Variants in CCDC82 observed in about 807,000 individuals in gnomAD.
CCDC82 encodes coiled-coil domain containing 82, also known as coiled-coil domain-containing protein 82.
A neutral mutation model predicts 60.6 loss-of-function variants in CCDC82; 47 were observed. That is an observed-to-expected ratio of 0.77 (90% CI 0.61 to 0.99). The LOEUF is 0.99. Among genes scored for constraint, CCDC82 ranks in the 50% least tolerant of loss-of-function variants. CCDC82 has a pLI of 0.00. For synonymous variants in CCDC82, 212 were observed against 207.4 expected, an observed-to-expected ratio of 1.02 and a Z score of -0.19; for missense variants, 588 against 633.0, an observed-to-expected ratio of 0.93 and a Z score of 0.76.
intron 5 of CCDC82, among the ~76,000 whole-genome samples, chr11:96,375,658 C>A (rs1865533305): frequency 6.6e-6 from 1 of 152,158 alleles, no homozygotes; most frequent in Non-Finnish European, 1.5e-5. Context: ...GGATGAAAAA[C>A]TTTCCTAAGA....
At chr11:96,355,716 C>A (rs1016023781) in intron 9 of CCDC82, 3 of 151,936 alleles carry the variant, frequency 2.0e-5, no homozygotes, top group Non-Finnish European at 4.4e-5. Flanking sequence ...AAAAAAAAAA[C>A]TTGGAAAGTG....
chr11:96,362,857 T>G (rs568004524), intron 8 of CCDC82, among the ~76,000 whole-genome samples: 12 of 152,298 alleles, frequency 7.9e-5, no homozygotes, highest in African/African-American at 2.9e-4. Flanking sequence ...AAAAGAACCC[T>G]AGTTAATGTC....
intron 3 of CCDC82, 183 bp from the exon 4 acceptor site, chr11:96,384,944 A>C: frequency 2.0e-6 from 1 of 494,620 alleles, no homozygotes; most frequent in Non-Finnish European, 3.5e-6. Context: ...ATGCCCATGA[A>C]ATAATTATAT....
At chr11:96,387,703 A>G (rs2136227175) in intron 1 of CCDC82, 90 bp from the exon 2 acceptor site, 1 of 152,360 alleles carries the variant, frequency 6.6e-6, no homozygotes, top group East Asian at 1.9e-4. Context: ...TTTTAGTTTC[A>G]GAAAAATAAC....
At chr11:96,387,845 C>T (rs1298946089) in intron 1 of CCDC82, 1 of 152,150 alleles carries the variant, frequency 6.6e-6, no homozygotes, top group Non-Finnish European at 1.5e-5. Context: ...TTGCAGACTT[C>T]CCTCTTATCA....
At chr11:96,362,725 A>G (rs191484112) in intron 8 of CCDC82, among the ~76,000 whole-genome samples, 181 of 152,216 alleles carry the variant, frequency 1.2e-3, no homozygotes, top group African/African-American at 4.3e-3. Flanking sequence ...CTCTTCCCCC[A>G]CTGATTCCAC....
chr11:96,358,906 C>T (rs2136066734), intron 9 of CCDC82, 87 bp downstream of exon 9: 1 of 1,189,578 alleles, frequency 8.4e-7, no homozygotes, highest in Non-Finnish European at 1.2e-6. Context: ...TCTTAAATTT[C>T]ACTATCTTTT....
At chr11:96,369,856 T>C (rs755609782) in intron 7 of CCDC82, among the ~76,000 whole-genome samples, 2 of 152,258 alleles carry the variant, frequency 1.3e-5, no homozygotes, top group Non-Finnish European at 2.9e-5. Flanking sequence ...AAACGAGGTA[T>C]GCTTATATAT....
chr11:96,358,275 C>T lies in CCDC82; in HGVS notation c.1566+718G>A, dbSNP rs541152299. ...ATGTAACTAGACTTGTTTTAGAAGA[C>T]TGCAGTCGTATTAGCATTCTTTCCA... On this transcript the variant is annotated intron_variant, in intron 9 of 9. Transcript: ENST00000646818. 21 of 1,110,242 alleles carry T rather than the reference C, an allele frequency of 1.9e-5. No homozygotes were observed. The South Asian group carries it at 4.0e-4, about 21-fold the overall frequency. 68.8% of individuals were successfully genotyped at this position (1,110,242 alleles called of 1,614,324 possible). A position where few individuals can be genotyped will look rare whatever the true frequency, so the allele number is the denominator to read the frequency against.
chr11:96,377,275 T>G (rs1449992087), intron 5 of CCDC82, among the ~76,000 whole-genome samples: 1 of 152,216 alleles, frequency 6.6e-6, no homozygotes, highest in East Asian at 1.9e-4. Flanking sequence ...CTACTCCTGC[T>G]TTTAAAGTAT....
At chr11:96,385,127 C>G (rs1255044288) in intron 3 of CCDC82, 1 of 160,546 alleles carries the variant, frequency 6.2e-6, no homozygotes, top group African/African-American at 2.4e-5. Flanking sequence ...ACATAAATAA[C>G]TGCAAGAGAA....
intron 1 of CCDC82, chr11:96,389,264 C>T (rs12365516): frequency 0.19 from 29,298 of 152,110 alleles, 2,979 homozygotes; most frequent in East Asian, 0.31. Flanking sequence ...CATTAAAATC[C>T]GTTAACAATG....
intron 9 of CCDC82, chr11:96,358,484 G>A: frequency 1.6e-6 from 2 of 1,231,048 alleles, no homozygotes; most frequent in Non-Finnish European, 1.0e-6. Context: ...CATTCCCCTC[G>A]ATCTTCAGTT....
chr11:96,388,888 T>C (rs1866366053), intron 1 of CCDC82: 1 of 152,178 alleles, frequency 6.6e-6, no homozygotes, highest in South Asian at 2.1e-4. Flanking sequence ...TTATTGAATA[T>C]CTACCAAAAT....
chr11:96,358,861 G>T (rs1864478811), intron 9 of CCDC82, 132 bp downstream of exon 9: 2 of 921,178 alleles, frequency 2.2e-6, no homozygotes, highest in Non-Finnish European at 3.2e-6. Flanking sequence ...ATGAGCGGAA[G>T]AAGAGAAAAT....
intron 1 of CCDC82, chr11:96,388,020 T>C (rs192805249): frequency 2.0e-5 from 3 of 152,384 alleles, no homozygotes; most frequent in South Asian, 2.1e-4. Context: ...TCAGGTTTCA[T>C]TGGACCAACT....
chr11:96,357,107 C>A (rs757083532), intron 9 of CCDC82: 18 of 985,396 alleles, frequency 1.8e-5, no homozygotes, highest in Non-Finnish European at 2.2e-5. Context: ...AGTGCTATCA[C>A]TCAAAGGCAC....
At chr11:96,356,874 G>T in intron 9 of CCDC82, 3 of 985,396 alleles carry the variant, frequency 3.0e-6, no homozygotes, top group Non-Finnish European at 3.6e-6. Context: ...GAAGAAGCAG[G>T]TAAGGGAAAA....
intron 7 of CCDC82, among the ~76,000 whole-genome samples, chr11:96,365,561 A>G (rs1591177081): frequency 6.6e-6 from 1 of 152,216 alleles, no homozygotes; most frequent in Non-Finnish European, 1.5e-5. Context: ...TTCACTTTCC[A>G]TTATATGAAT....
Sources: gnomAD v4.1 joint callset for allele counts (sites outside exome capture counted in the v4.1 genomes callset) on GRCh38, gnomAD v4.1.1 for gene constraint, MANE v1.5 for transcripts, NCBI Gene and HGNC (gene_info 2026-07-23, HGNC 2026-07-21) for gene names.